KPNA1: variants seen among roughly 807,000 people sequenced by gnomAD.
The protein encoded by KPNA1 is importin subunit alpha-5.
A neutral mutation model predicts 70.5 loss-of-function variants in KPNA1; 10 were observed. The observed-to-expected ratio is 0.14, with a 90% CI of 0.09 to 0.24. KPNA1 has a LOEUF of 0.24. Among genes scored for constraint, KPNA1 ranks in the 10% least tolerant of loss-of-function variants. The pLI is 1.00. For synonymous variants in KPNA1, 192 were observed against 221.9 expected (o/e 0.87, Z 1.20); for missense variants, 397 against 637.9 (o/e 0.62, Z 4.07).
intron 2 of KPNA1, among the ~76,000 whole-genome samples, chr3:122,481,378 C>G (rs2076569026): frequency 6.6e-6 from 1 of 152,196 alleles, no homozygotes; most frequent in East Asian, 1.9e-4. Flanking sequence ...CAACATGGAT[C>G]AATCTTTAAC....
intron 2 of KPNA1, among the ~76,000 whole-genome samples, chr3:122,474,985 T>C (rs541985839): frequency 2.0e-5 from 3 of 152,132 alleles, no homozygotes; most frequent in Non-Finnish European, 4.4e-5. Context: ...TCACTCAATA[T>C]GGTGTTGGAA....
intron 1 of KPNA1, among the ~76,000 whole-genome samples, chr3:122,506,450 G>A (rs566180842): frequency 2.9e-4 from 44 of 152,202 alleles, no homozygotes; most frequent in Middle Eastern, 3.4e-3. Context: ...TAGTAGGTCC[G>A]TTTAAAATAT....
chr3:122,436,694 A>G (rs1046495767), intron 11 of KPNA1, among the ~76,000 whole-genome samples: 7 of 152,262 alleles, frequency 4.6e-5, no homozygotes, highest in Admixed American at 2.0e-4. Context: ...CTTAACATCT[A>G]TAAGCTAGGA....
intron 1 of KPNA1, among the ~76,000 whole-genome samples, chr3:122,499,252 CCT>C (rs1444258214): frequency 2.0e-5 from 3 of 152,174 alleles, no homozygotes; most frequent in Non-Finnish European, 4.4e-5. Flanking sequence ...AGCAGACACC[CCT>C]GTCTTATGCT....
At chr3:122,435,003 A>C (rs2075966035) in intron 11 of KPNA1, among the ~76,000 whole-genome samples, 1 of 152,222 alleles carries the variant, frequency 6.6e-6, no homozygotes, top group South Asian at 2.1e-4. Flanking sequence ...GGACGTCAAC[A>C]AAGTTTGACA....
intron 2 of KPNA1, among the ~76,000 whole-genome samples, chr3:122,489,029 A>G (rs2076663429): frequency 7.3e-6 from 1 of 137,292 alleles, no homozygotes; most frequent in East Asian, 2.2e-4. Flanking sequence ...AAGTTGTCCC[A>G]TAACTCGCTT....
At chr3:122,450,531 G>A (rs569680143) in intron 8 of KPNA1, among the ~76,000 whole-genome samples, 3 of 152,266 alleles carry the variant, frequency 2.0e-5, no homozygotes, top group Admixed American at 6.5e-5. Context: ...GCAGTGTGCC[G>A]AGACCGCGCC....
At chr3:122,455,556 TC>T (rs200558819) in intron 5 of KPNA1, among the ~76,000 whole-genome samples, 22 of 151,970 alleles carry the variant, frequency 1.4e-4, no homozygotes, top group Non-Finnish European at 2.1e-4. Context: ...CTTTATATTT[TC>T]TTTTTTTTCT....
intron 1 of KPNA1, among the ~76,000 whole-genome samples, chr3:122,502,212 T>C (rs1380740420): frequency 6.6e-6 from 1 of 152,202 alleles, no homozygotes; most frequent in Non-Finnish European, 1.5e-5. Context: ...AGCTAGGATA[T>C]GAACACAGGT....
chr3:122,467,638 AC>A (rs56147252), intron 2 of KPNA1, among the ~76,000 whole-genome samples: 18,073 of 152,020 alleles, frequency 0.12, 1,280 homozygotes, highest in East Asian at 0.32. Context: ...CATGCTATAA[AC>A]AACACTTGAT....
intron 1 of KPNA1, among the ~76,000 whole-genome samples, chr3:122,497,380 CA>C (rs754200387): frequency 2.6e-5 from 4 of 152,196 alleles, no homozygotes; most frequent in Non-Finnish European, 5.9e-5. Context: ...TTATGAATAA[CA>C]CTTCTACAAC....
intron 4 of KPNA1, among the ~76,000 whole-genome samples, chr3:122,462,906 A>G (rs1311424797): frequency 6.6e-6 from 1 of 152,138 alleles, no homozygotes; most frequent in Non-Finnish European, 1.5e-5. Flanking sequence ...ATCAGATTCC[A>G]TTCTACACTA....
At chr3:122,492,218 G>A (rs1244926349) in intron 2 of KPNA1, among the ~76,000 whole-genome samples, 1 of 152,108 alleles carries the variant, frequency 6.6e-6, no homozygotes, top group Admixed American at 6.5e-5. Context: ...ACAAACACAA[G>A]ATTTGTGTCA....
At chr3:122,462,782 A>C (rs1261360514) in intron 4 of KPNA1, among the ~76,000 whole-genome samples, 1 of 152,182 alleles carries the variant, frequency 6.6e-6, no homozygotes, top group Non-Finnish European at 1.5e-5. Context: ...AAATTTTTTT[A>C]AATCACTAAT....
In KPNA1 at chr3:122,427,526, A is replaced by G; in HGVS notation, c.1429+12T>C. 6.2e-7 allele frequency: 1 copy of G among 1,606,448 alleles called. No individual in the cohort carries two copies. Among genetic ancestry groups the G allele is most frequent in the Non-Finnish European group, 8.5e-7 (1 of 1,176,310 alleles). On this transcript the variant is annotated intron_variant, in intron 13 of 13. Coordinates refer to ENST00000344337, the MANE Select transcript of KPNA1 (RefSeq NM_002264.4). ...TTCTTGGCCATAAACTTCTTCAACC[A>G]AAGCATCTTACCATAAGCTTCTTCA...
chr3:122,480,647 A>G (rs2076560750), intron 2 of KPNA1, among the ~76,000 whole-genome samples: 1 of 151,938 alleles, frequency 6.6e-6, no homozygotes. Context: ...AATGTGGTAC[A>G]ATTTTTTTTA....
At chr3:122,433,501 T>C (rs2075941854) in intron 12 of KPNA1, among the ~76,000 whole-genome samples, 160 bp downstream of exon 12, 1 of 152,262 alleles carries the variant, frequency 6.6e-6, no homozygotes, top group Non-Finnish European at 1.5e-5. Context: ...TCCTAAGGAC[T>C]GGAACTAAAC....
chr3:122,510,868 A>G (rs865812140), intron 1 of KPNA1, among the ~76,000 whole-genome samples: 11 of 152,218 alleles, frequency 7.2e-5, no homozygotes, highest in African/African-American at 2.4e-4. Flanking sequence ...TAATGTTGAT[A>G]AAACAAGGAA....
chr3:122,506,440 T>C (rs549473967), intron 1 of KPNA1, among the ~76,000 whole-genome samples: 13 of 152,336 alleles, frequency 8.5e-5, no homozygotes, highest in East Asian at 3.9e-4. Context: ...AGTCAAACGA[T>C]AGTAGGTCCG....
Sources: gnomAD v4.1 joint callset for allele counts (sites outside exome capture counted in the v4.1 genomes callset) on GRCh38, gnomAD v4.1.1 for gene constraint, MANE v1.5 for transcripts, NCBI Gene and HGNC (gene_info 2026-07-23, HGNC 2026-07-21) for gene names.